Variants in CDH12 observed in about 807,000 individuals in gnomAD.
CDH12 encodes the protein cadherin 12.
In CDH12, 41 loss-of-function variants were observed where a neutral mutation model predicts 74.1. The ratio of observed to expected loss-of-function variants is 0.55; its 90% CI spans 0.43 to 0.72. CDH12 has a LOEUF of 0.72. Ranked by LOEUF, CDH12 falls within the 30% of genes least tolerant of loss-of-function variation. The pLI is 0.00. For missense variants in CDH12, 945 were observed against 977.2 expected (o/e 0.97, Z 0.44); for synonymous variants, 399 against 355.0 (o/e 1.12, Z -1.39).
At chr5:22,543,673 T>G (rs1738196701) in intron 1 of CDH12, among the ~76,000 whole-genome samples, 1 of 152,152 alleles carries the variant, frequency 6.6e-6, no homozygotes, top group Non-Finnish European at 1.5e-5. Flanking sequence ...TCTTTACACT[T>G]CTACAATAAA....
chr5:22,598,825 T>C (rs908832169), intron 1 of CDH12, among the ~76,000 whole-genome samples: 1 of 152,164 alleles, frequency 6.6e-6, no homozygotes, highest in African/African-American at 2.4e-5. Context: ...TGATCAGAGA[T>C]GGTATCATTC....
chr5:22,284,593 T>C (rs1580481156), intron 3 of CDH12, among the ~76,000 whole-genome samples: 1 of 152,094 alleles, frequency 6.6e-6, no homozygotes. Flanking sequence ...AACTAGGAAA[T>C]AGAGTCTGTT....
intron 1 of CDH12, among the ~76,000 whole-genome samples, chr5:22,629,192 TCTAC>T (rs1738452458): frequency 1.3e-5 from 2 of 152,112 alleles, no homozygotes; most frequent in South Asian, 4.2e-4. Context: ...TGGTATCATT[TCTAC>T]TAAAACTATT....
rs1446260317 is a variant in CDH12, at chr5:21,840,567, A to C, written c.814+1594T>G. ...CGCCAAGCCAATCCTAAGCCAAAAG[A>C]ACAAAGCTGGAGGCATCACACTACC... On this transcript the variant is annotated intron_variant, in intron 8 of 14. Transcript: ENST00000382254. Among the ~76,000 whole-genome samples the C allele has an allele frequency of 1.6e-4, 24 of 152,094 alleles. 1 individual carries two copies. Among genetic ancestry groups the C allele is most frequent in the Admixed American group, 1.6e-3 (24 of 15,250 alleles).
intron 1 of CDH12, among the ~76,000 whole-genome samples, chr5:22,746,931 C>G (rs1456446369): frequency 1.3e-5 from 2 of 152,130 alleles, no homozygotes. Context: ...CAGCTGTACA[C>G]AGTGTCATTG....
intron 4 of CDH12, among the ~76,000 whole-genome samples, chr5:22,132,701 G>A (rs376044430): frequency 1.3e-5 from 2 of 151,986 alleles, no homozygotes; most frequent in African/African-American, 2.4e-5. Flanking sequence ...CAAAAGGTAG[G>A]GCCTAATCCA....
At chr5:22,562,402 A>T (rs1471169895) in intron 1 of CDH12, among the ~76,000 whole-genome samples, 1 of 152,234 alleles carries the variant, frequency 6.6e-6, no homozygotes, top group Non-Finnish European at 1.5e-5. Flanking sequence ...AATTTAAAAA[A>T]ATACAAAATG....
At chr5:22,702,983 G>A (rs559103886) in intron 1 of CDH12, among the ~76,000 whole-genome samples, 167 of 152,052 alleles carry the variant, frequency 1.1e-3, no homozygotes, top group Non-Finnish European at 1.7e-3. Flanking sequence ...AACCAAACTG[G>A]CCAAGGAATA....
At chr5:22,432,400 G>A (rs1203760743) in intron 2 of CDH12, among the ~76,000 whole-genome samples, 1 of 152,080 alleles carries the variant, frequency 6.6e-6, no homozygotes, top group African/African-American at 2.4e-5. Context: ...TTTAAGCAAT[G>A]TATGATTGTA....
intron 1 of CDH12, among the ~76,000 whole-genome samples, chr5:22,525,336 T>G (rs370251435): frequency 6.6e-6 from 1 of 152,154 alleles, no homozygotes; most frequent in Non-Finnish European, 1.5e-5. Context: ...CACATGACCA[T>G]GACCAAGTTA....
intron 1 of CDH12, among the ~76,000 whole-genome samples, chr5:22,686,316 C>T (rs545329935): frequency 1.3e-5 from 2 of 152,078 alleles, no homozygotes; most frequent in Middle Eastern, 3.4e-3. Flanking sequence ...AATATTTTCT[C>T]CCATACTATG....
intron 2 of CDH12, among the ~76,000 whole-genome samples, chr5:22,456,985 T>TA (rs200288838): frequency 1.6e-3 from 241 of 151,870 alleles, no homozygotes; most frequent in Non-Finnish European, 2.6e-3. Flanking sequence ...ATTTTTTTCT[T>TA]AAAAAAAAGA....
intron 1 of CDH12, among the ~76,000 whole-genome samples, chr5:22,694,115 T>A (rs269016): frequency 6.6e-6 from 1 of 151,894 alleles, no homozygotes; most frequent in East Asian, 1.9e-4. Context: ...ATTTTAAATT[T>A]TTTTTGTAGA....
chr5:22,125,616 T>C (rs1385106944), intron 4 of CDH12, among the ~76,000 whole-genome samples: 1 of 152,168 alleles, frequency 6.6e-6, no homozygotes, highest in East Asian at 1.9e-4. Flanking sequence ...TGGCTCATCT[T>C]AGACTGCACT....
chr5:22,452,904 A>AAAAAAAAAAAAAAAT (rs70959732), intron 2 of CDH12, among the ~76,000 whole-genome samples: 1 of 132,036 alleles, frequency 7.6e-6, no homozygotes, highest in African/African-American at 2.9e-5. Context: ...AAAAAAAAAA[A>AAAAAAAAAAAAAAAT]TGAGTTAAAA....
intron 1 of CDH12, among the ~76,000 whole-genome samples, chr5:22,523,206 G>T (rs529146943): frequency 4.3e-4 from 65 of 152,200 alleles, no homozygotes; most frequent in Non-Finnish European, 8.2e-4. Flanking sequence ...TTTAAAGAAA[G>T]GGGTGGTGCT....
intron 1 of CDH12, among the ~76,000 whole-genome samples, chr5:22,543,438 C>T (rs372800892): frequency 7.9e-5 from 12 of 152,028 alleles, no homozygotes; most frequent in South Asian, 2.1e-4. Context: ...GATTGTATGA[C>T]GCTACTTTAA....
At chr5:22,321,022 T>C (rs1480922790) in intron 3 of CDH12, among the ~76,000 whole-genome samples, 4 of 152,210 alleles carry the variant, frequency 2.6e-5, no homozygotes, top group Non-Finnish European at 5.9e-5. Flanking sequence ...AAACAGTGAA[T>C]AGGCATTTTT....
At position 22,771,570 on chromosome 5, in the gene CDH12, C is replaced by T. The variant is rs142533334; in HGVS notation, c.-523+81488G>A. Reference sequence around the variant, plus strand: ...ACTGAAAAAAATATTTTTATTTATTCCTTTAGTCTCTATTCTTTATAAAAG... The same window carrying T: ...ACTGAAAAAAATATTTTTATTTATTTCTTTAGTCTCTATTCTTTATAAAAG... On this transcript the variant is annotated intron_variant, in intron 1 of 14. Coordinates refer to ENST00000382254, the MANE Select transcript of CDH12 (RefSeq NM_004061.5). Among the ~76,000 whole-genome samples the T allele has an allele frequency of 9.9e-3, 1,504 of 151,814 alleles. 16 individuals are homozygous for T. Among genetic ancestry groups the T allele is most frequent in the Non-Finnish European group, 0.013 (867 of 67,896 alleles).
Sources: gnomAD v4.1 joint callset for allele counts (sites outside exome capture counted in the v4.1 genomes callset) on GRCh38, gnomAD v4.1.1 for gene constraint, MANE v1.5 for transcripts, NCBI Gene and HGNC (gene_info 2026-07-23, HGNC 2026-07-21) for gene names.